The following PPM1B variants were observed in gnomAD, a reference collection of about 807,000 sequenced individuals.
PPM1B encodes protein phosphatase, Mg2+/Mn2+ dependent 1B.
PPM1B carries 22 observed loss-of-function variants against 43.0 expected under a neutral mutation model. The observed-to-expected ratio is 0.51, with a 90% confidence interval of 0.37 to 0.73. The LOEUF is 0.73. Ranked by LOEUF, PPM1B falls within the 30% of genes least tolerant of loss-of-function variation. PPM1B has a pLI of 0.00. For synonymous variants in PPM1B, 217 were observed against 197.9 expected, an observed-to-expected ratio of 1.10 and a Z score of -0.81; for missense variants, 632 against 584.2, an observed-to-expected ratio of 1.08 and a Z score of -0.84.
At chr2:44,235,476 G>A (rs1377435885), downstream of PPM1B, among the ~76,000 whole-genome samples, 3 of 152,008 alleles carry the variant, frequency 2.0e-5, no homozygotes, top group East Asian at 1.9e-4. Context: ...GGTGGCGCAT[G>A]CCCGTAATCC....
intron 1 of PPM1B, among the ~76,000 whole-genome samples, chr2:44,187,690 C>T (rs116632103): frequency 6.6e-6 from 1 of 152,144 alleles, no homozygotes; most frequent in African/African-American, 2.4e-5. Context: ...TTCATTTCTT[C>T]TCAATTTCTG....
At position 44,208,900 on chromosome 2, in the gene PPM1B, A is replaced by G. The variant is rs887299015; in HGVS notation, c.847-310A>G. Among the ~76,000 whole-genome samples the G allele has an allele frequency of 4.6e-5, 7 of 152,174 alleles. No individual in the cohort carries two copies. The South Asian group carries it at 1.0e-3, about 23-fold the overall frequency. On this transcript the variant is annotated intron_variant, in intron 2 of 5. Transcript: ENST00000282412. ...ACTTAAGCCAGTTTGGGAATAGACAATCTTGAGTGGGAAATAGTTTAGAAG... is the reference window on the plus strand; with the variant it reads ...ACTTAAGCCAGTTTGGGAATAGACAGTCTTGAGTGGGAAATAGTTTAGAAG...
intron 5 of PPM1B, among the ~76,000 whole-genome samples, chr2:44,221,446 G>A (rs1353257423): frequency 2.0e-5 from 3 of 152,168 alleles, no homozygotes; most frequent in Admixed American, 6.5e-5. Flanking sequence ...AAAGCTAGCC[G>A]CAAAGGTGCT....
At position 44,190,406 on chromosome 2, in the gene PPM1B, G is replaced by A. The variant is rs771668304; in HGVS notation, c.-14-10780G>A. 2.0e-4 allele frequency among the ~76,000 whole-genome samples: 31 copies of A among 152,150 alleles called. No individual in the cohort carries two copies. In the Middle Eastern group the frequency reaches 0.01, roughly 50 times the overall value. ...ACTCTTGAAGTCACGTGATCTGCCC[G>A]TCTCAGCCTCCCAAAGTGTTGGGAT... On this transcript the variant is annotated intron_variant, in intron 1 of 5. Transcript: ENST00000282412.
intron 3 of PPM1B, among the ~76,000 whole-genome samples, chr2:44,214,003 T>C (rs1284509224): frequency 1.3e-5 from 2 of 152,232 alleles, no homozygotes; most frequent in Non-Finnish European, 2.9e-5. Context: ...CTGGCTGTTA[T>C]GTGAACTTAT....
At chr2:44,171,148 T>C (rs1049979118) in intron 1 of PPM1B, among the ~76,000 whole-genome samples, 1 of 152,236 alleles carries the variant, frequency 6.6e-6, no homozygotes, top group Admixed American at 6.5e-5. Flanking sequence ...TTGTTCTCTT[T>C]GAAGTGACCA....
At chr2:44,205,167 A>G (rs1451859891) in intron 2 of PPM1B, among the ~76,000 whole-genome samples, 1 of 152,046 alleles carries the variant, frequency 6.6e-6, no homozygotes, top group Non-Finnish European at 1.5e-5. Flanking sequence ...GAACAAAATA[A>G]AAAGTTTTTT....
intron 1 of PPM1B, among the ~76,000 whole-genome samples, chr2:44,172,932 C>G (rs911020630): frequency 6.6e-6 from 1 of 152,216 alleles, no homozygotes; most frequent in Non-Finnish European, 1.5e-5. Context: ...TCTGATGTGA[C>G]TTAATCTCTT....
At chr2:44,177,974 G>C (rs1667668725) in intron 1 of PPM1B, among the ~76,000 whole-genome samples, 1 of 147,166 alleles carries the variant, frequency 6.8e-6, no homozygotes, top group African/African-American at 2.5e-5. Context: ...CAAGAGTGCA[G>C]TGGCTCAATC....
At chr2:44,202,643 A>G (rs184919463) in intron 2 of PPM1B, among the ~76,000 whole-genome samples, 2 of 152,342 alleles carry the variant, frequency 1.3e-5, no homozygotes, top group African/African-American at 4.8e-5. Flanking sequence ...TTTGTAGAAG[A>G]TAAAATTCTT....
At position 44,231,155 on chromosome 2, in the gene PPM1B, C is replaced by G. The variant is rs994286473; in HGVS notation, c.*437C>G. 3 of 974,868 alleles carry G rather than the reference C, an allele frequency of 3.1e-6. No individual in the cohort carries two copies. The highest frequency in any genetic ancestry group is 3.5e-5 in the African/African-American group (2 of 56,942). 60.4% of individuals were successfully genotyped at this position (974,868 alleles called of 1,614,324 possible). A position where few individuals can be genotyped will look rare whatever the true frequency, so the allele number is the denominator to read the frequency against. ...TATGTTTTCTTTAATAATTTTAGTT[C>G]TTCAAAGAATGGCTGATGCTGGCCT... On this transcript the variant is annotated 3_prime_UTR_variant, in exon 6 of 6. Transcript: ENST00000282412.
chr2:44,185,606 T>C (rs1431616779), intron 1 of PPM1B, among the ~76,000 whole-genome samples: 1 of 152,218 alleles, frequency 6.6e-6, no homozygotes, highest in Non-Finnish European at 1.5e-5. Context: ...AAATCTAAAT[T>C]ATTCTTGTAT....
At chr2:44,197,759 C>G (rs1011237527) in intron 1 of PPM1B, among the ~76,000 whole-genome samples, 6 of 152,070 alleles carry the variant, frequency 3.9e-5, no homozygotes, top group Non-Finnish European at 7.4e-5. Flanking sequence ...CCCTAGGTAT[C>G]CCAGTTTTCT....
intron 1 of PPM1B, among the ~76,000 whole-genome samples, chr2:44,179,222 GCCT>G (rs1401413219): frequency 2.6e-5 from 4 of 152,168 alleles, no homozygotes; most frequent in African/African-American, 9.7e-5. Flanking sequence ...TGATCATGAG[GCCT>G]CCCTGGCCAC....
At chr2:44,173,040 C>T (rs1243341083) in intron 1 of PPM1B, among the ~76,000 whole-genome samples, 3 of 152,198 alleles carry the variant, frequency 2.0e-5, no homozygotes, top group Admixed American at 6.5e-5. Context: ...CGTGGCCAGG[C>T]GTGGTGGCTC....
intron 1 of PPM1B, among the ~76,000 whole-genome samples, chr2:44,175,652 TA>T (rs1667548343): frequency 6.6e-6 from 1 of 152,162 alleles, no homozygotes; most frequent in African/African-American, 2.4e-5. Flanking sequence ...ACACTAAACT[TA>T]AAAGCTGTGA....
chr2:44,218,078 A>C lies in PPM1B; in HGVS notation c.1076A>C (p.Lys359Thr). Residue 359 changes from lysine to threonine, a missense_variant and splice_region_variant, in exon 4 of 6, where the codon AAG (lysine) becomes ACG (threonine). This residue lies in a region of PPM1B where 392 missense variants were observed against 302.7 expected (regional missense o/e 1.29). Transcript: ENST00000282412. ...NLPPGGGLAG[K>T]RNVIEAVYSR... ...CCTCCTGGGGGAGGTCTTGCTGGCA[A>C]GTAAGTAGAACAAAAAGCTAATTTT... 6.2e-7 allele frequency: 1 copy of C among 1,604,526 alleles called. No individual in the cohort carries two copies. Among genetic ancestry groups the C allele is most frequent in the Non-Finnish European group, 8.5e-7 (1 of 1,172,524 alleles).
exon 6 of PPM1B, chr2:44,244,309 G>A (rs1005723998): frequency 4.4e-6 from 6 of 1,360,772 alleles, no homozygotes; most frequent in African/African-American, 3.0e-5. Context: ...GACCTTCCAA[G>A]CACTCAGAAG....
In PPM1B at chr2:44,203,568, G is replaced by C. The variant is rs1319576605; in HGVS notation, c.846+1523G>C. ...AAATTTTGCCATCCACCCTAAGTCA[G>C]CTACTTTCATTGTTGTGGTGTATAT... On this transcript the variant is annotated intron_variant, in intron 2 of 5. Coordinates refer to ENST00000282412, the MANE Select transcript of PPM1B (RefSeq NM_002706.6). Among the ~76,000 whole-genome samples, 3 of 152,076 alleles carry C rather than the reference G, an allele frequency of 2.0e-5. No individual in the cohort carries two copies. The East Asian group carries it at 5.8e-4, about 29-fold the overall frequency.
Sources: gnomAD v4.1 joint callset for allele counts (sites outside exome capture counted in the v4.1 genomes callset) on GRCh38, gnomAD v4.1.1 for gene constraint, gnomAD v4.1.1 regional missense constraint, MANE v1.5 for transcripts, NCBI Gene and HGNC (gene_info 2026-07-23, HGNC 2026-07-21) for gene names.